The following ZFP92 variants were observed in gnomAD, a reference collection of about 807,000 sequenced individuals.
ZFP92 encodes the protein ZFP92 zinc finger protein.
Under a neutral mutation model 7.6 loss-of-function variants are expected in ZFP92, and 2 were observed. The observed-to-expected ratio is 0.26, with a 90% CI of 0.11 to 0.83. The LOEUF is 0.83. Ranked by LOEUF, ZFP92 falls within the 40% of genes least tolerant of loss-of-function variation. ZFP92 has a pLI of 0.65. For synonymous variants in ZFP92, 226 were observed against 183.6 expected, an observed-to-expected ratio of 1.23 and a Z score of -1.87; for missense variants, 324 against 408.3, an observed-to-expected ratio of 0.79 and a Z score of 1.78.
rs184162675 is a variant in ZFP92 at position 153,423,861 on chromosome X, G to A, written c.*2233G>A. 2.6e-4 allele frequency: 30 copies of A among 113,982 alleles called. No individual in the cohort carries two copies. Among genetic ancestry groups the A allele is most frequent in the Admixed American group, 2.4e-3 (26 of 10,914 alleles). 9.4% of individuals were successfully genotyped at this position (113,982 alleles called of 1,213,427 possible). On this transcript the variant is annotated 3_prime_UTR_variant, in exon 6 of 6. Coordinates refer to ENST00000338647, the MANE Select transcript of ZFP92 (RefSeq NM_001136273.2). The stretch of plus-strand genomic sequence containing the variant: ...GCATGGGCCCAGAAATGCAATCCTC[G>A]TGCAGAGTAGGTGCCTGTGGCAGGA...
intron 4 of ZFP92, among the ~76,000 whole-genome samples, chrX:153,419,118 T>C (rs2088977995): frequency 8.8e-6 from 1 of 113,058 alleles, no homozygotes; most frequent in African/African-American, 3.2e-5. Flanking sequence ...CAAATTCTAC[T>C]GGAATATTTA....
At chrX:153,420,205 C>T in intron 4 of ZFP92, 23 bp from the exon 5 acceptor site, 1 of 1,147,894 alleles carries the variant, frequency 8.7e-7, no homozygotes, top group Non-Finnish European at 1.2e-6. Context: ...GTGGTCTTGA[C>T]CTGCTTCATA....
rs952644087 is a variant in ZFP92 at position 153,423,061 on chromosome X, C to T, written c.*1433C>T. The T allele has an allele frequency of 8.9e-6, 1 of 112,179 alleles. No homozygotes were observed. Among genetic ancestry groups the T allele is most frequent in the South Asian group, 3.6e-4 (1 of 2,759 alleles). 9.2% of individuals were successfully genotyped at this position (112,179 alleles called of 1,213,427 possible). A position where few individuals can be genotyped will look rare whatever the true frequency, so the allele number is the denominator to read the frequency against. On this transcript the variant is annotated 3_prime_UTR_variant, in exon 6 of 6. Transcript: ENST00000338647. ...CCAAGGGGAATTCTCAAGGAAAAGT[C>T]TCAGGGCTGGCAGAGGCAGCTGCTG...
chrX:153,422,080 A>C lies in ZFP92; in HGVS notation c.*452A>C, dbSNP rs1420686465. ...GAGGCCACGTGAGGCCAGTGAGGCC[A>C]GCCAGCGCGGGGCACGCTGGCTTTG... On this transcript the variant is annotated 3_prime_UTR_variant, in exon 6 of 6. Transcript: ENST00000338647. 8.8e-6 allele frequency: 1 copy of C among 114,164 alleles called. No homozygotes were observed. Among genetic ancestry groups the C allele is most frequent in the Non-Finnish European group, 1.8e-5 (1 of 54,422 alleles). 9.4% of individuals were successfully genotyped at this position (114,164 alleles called of 1,213,427 possible).
In ZFP92 at chrX:153,421,392, C is replaced by T; in HGVS notation, c.1015C>T (p.Arg339Trp). 4 of 1,156,877 alleles carry T rather than the reference C, an allele frequency of 3.5e-6. No homozygotes were observed. The highest frequency in any genetic ancestry group is 4.6e-6 in the Non-Finnish European group (4 of 872,118). Residue 339 changes from arginine (R) to tryptophan (W), a missense_variant, in exon 6 of 6, where the codon CGG (arginine) becomes TGG (tryptophan). By Grantham distance (101) the Arg-to-Trp change is moderately radical. Coordinates refer to ENST00000338647, the MANE Select transcript of ZFP92 (RefSeq NM_001136273.2). ...TGGCCGTTCGGGCCTCAGCCAGCAC[C>T]GGCGCGTGCACAGCGGTGAGAAGCC... ...FRGRSGLSQH[R>W]RVHSGEKPYE... is the part of the protein sequence containing the mutation.
At position 153,420,701 on chromosome X, in the gene ZFP92, C is replaced by G; in HGVS notation, c.324C>G (p.Leu108=). The G allele has an allele frequency of 8.7e-7, 1 of 1,143,791 alleles. No homozygotes were observed. The highest frequency in any genetic ancestry group is 1.2e-6 in the Non-Finnish European group (1 of 859,828). 94.3% of individuals were successfully genotyped at this position (1,143,791 alleles called of 1,213,427 possible). The change falls in exon 6 of 6, where the codon CTC becomes CTG. Residue 108 remains leucine (L), a synonymous_variant. Transcript: ENST00000338647. ...CGCAGAAGCATTCTGGACGACAACTCCCCGGGGCCGATCCACAAGGTGGCA... is the reference window on the plus strand; with the variant it reads ...CGCAGAAGCATTCTGGACGACAACTGCCCGGGGCCGATCCACAAGGTGGCA... ...TSTQKHSGRQ[L]PGADPQGGKE... is the part of the protein sequence containing the mutation.
intron 2 of ZFP92, among the ~76,000 whole-genome samples, chrX:153,416,962 C>T (rs181989621): frequency 5.4e-5 from 6 of 111,391 alleles, no homozygotes; most frequent in Admixed American, 3.8e-4. Context: ...AATCAGCTCT[C>T]ACAGAGCAAG....
At position 153,418,194 on chromosome X, in the gene ZFP92, G is replaced by T. The variant is rs2088969475; in HGVS notation, c.-18-111G>T. 3 of 863,540 alleles carry T rather than the reference G, an allele frequency of 3.5e-6. No homozygotes were observed. The East Asian group carries it at 1.0e-4, about 30-fold the overall frequency. The allele number at this position is 863,540 out of a possible 1,213,427, so 71.2% of individuals were successfully genotyped here. A position where few individuals can be genotyped will look rare whatever the true frequency, so the allele number is the denominator to read the frequency against. ...CTGCAGGAGTGAGAACACCACAGGT[G>T]GCCGCTGTGCTTATTTCACAAGAAA... On this transcript the variant is annotated intron_variant, in intron 2 of 5. Transcript: ENST00000338647.
chrX:153,419,492 C>A (rs782142359), intron 4 of ZFP92, among the ~76,000 whole-genome samples: 1 of 112,817 alleles, frequency 8.9e-6, no homozygotes, highest in African/African-American at 3.2e-5. Context: ...CCTCACGCAG[C>A]TGATGAGAGA....
chrX:153,417,222 C>T (rs1478996190), intron 2 of ZFP92, among the ~76,000 whole-genome samples: 1 of 112,547 alleles, frequency 8.9e-6, no homozygotes, highest in African/African-American at 3.2e-5. Context: ...TAGCCTGAAA[C>T]TCAACTTCCT....
intron 5 of ZFP92, 118 bp from the exon 6 acceptor site, chrX:153,420,525 T>G: frequency 9.8e-7 from 1 of 1,022,702 alleles, no homozygotes; most frequent in Non-Finnish European, 1.3e-6. Context: ...TGTCTGCCTG[T>G]GTGATGGCTT....
intron 2 of ZFP92, among the ~76,000 whole-genome samples, chrX:153,414,875 G>C (rs781791163): frequency 9.0e-6 from 1 of 110,670 alleles, no homozygotes; most frequent in Non-Finnish European, 1.9e-5. Context: ...GAGAGTTAAA[G>C]GTTCTTTGGA....
At chrX:153,417,785 G>A (rs1434526419) in intron 2 of ZFP92, among the ~76,000 whole-genome samples, 1 of 111,976 alleles carries the variant, frequency 8.9e-6, no homozygotes, top group Non-Finnish European at 1.9e-5. Context: ...TGGTATCTGT[G>A]ACTGTGACCT....
chrX:153,418,198 G>A (rs1412339660), intron 2 of ZFP92, 107 bp from the exon 3 acceptor site: 66 of 895,179 alleles, frequency 7.4e-5, no homozygotes, highest in South Asian at 5.9e-4. Context: ...ACAGGTGGCC[G>A]CTGTGCTTAT....
At chrX:153,419,161 G>C (rs1472553727) in intron 4 of ZFP92, among the ~76,000 whole-genome samples, 2 of 112,935 alleles carry the variant, frequency 1.8e-5, no homozygotes, top group African/African-American at 3.2e-5. Context: ...TCGTTTCTAT[G>C]ACGGCTGCAT....
At chrX:153,417,089 G>T (rs146633796) in intron 2 of ZFP92, among the ~76,000 whole-genome samples, 1,825 of 112,404 alleles carry the variant, frequency 0.016, 37 homozygotes, top group African/African-American at 0.055. Context: ...GCAACGTGAC[G>T]TGTGGAGACT....
intron 3 of ZFP92, 90 bp from the exon 4 acceptor site, chrX:153,418,582 TC>T (rs1482034043): frequency 4.5e-6 from 5 of 1,112,075 alleles, no homozygotes; most frequent in South Asian, 2.1e-5. Context: ...CTTCCAGGGC[TC>T]CCCCCGCCCC....
At chrX:153,413,009 C>T (rs1490032050) in intron 2 of ZFP92, among the ~76,000 whole-genome samples, 3 of 111,234 alleles carry the variant, frequency 2.7e-5, no homozygotes, top group Non-Finnish European at 3.8e-5. Flanking sequence ...GCACCCAGGC[C>T]GGGCCTTGGC....
intron 2 of ZFP92, among the ~76,000 whole-genome samples, chrX:153,417,668 C>T (rs1463097792): frequency 8.9e-6 from 1 of 111,803 alleles, no homozygotes; most frequent in Non-Finnish European, 1.9e-5. Context: ...CCTCGAAAGC[C>T]TGGTCAGGCG....
Sources: allele counts gnomAD v4.1 joint callset (sites outside exome capture counted in the v4.1 genomes callset), GRCh38; gene constraint gnomAD v4.1.1; transcripts MANE v1.5; gene names NCBI Gene and HGNC (gene_info 2026-07-23, HGNC 2026-07-21).